The following SLC30A8 variants were observed in gnomAD, a reference collection of about 807,000 sequenced individuals.
The protein encoded by SLC30A8 is solute carrier family 30 member 8.
A neutral mutation model predicts 36.9 loss-of-function variants in SLC30A8; 27 were observed. The observed-to-expected ratio is 0.73, with a 90% CI of 0.54 to 1.01. SLC30A8 has a LOEUF of 1.01. Among genes scored for constraint, SLC30A8 ranks in the 50% least tolerant of loss-of-function variants. The pLI is 0.00. For missense variants in SLC30A8, 439 were observed against 452.0 expected (o/e 0.97, Z 0.26); for synonymous variants, 164 against 172.4 (o/e 0.95, Z 0.38).
intron 1 of SLC30A8, among the ~76,000 whole-genome samples, chr8:117,011,597 C>G (rs1043321047): frequency 6.6e-6 from 1 of 152,156 alleles, no homozygotes; most frequent in Non-Finnish European, 1.5e-5. Context: ...ATTTAGAGTT[C>G]GTGGTGGACC....
intron 2 of SLC30A8, among the ~76,000 whole-genome samples, chr8:117,126,108 T>C (rs1280385714): frequency 2.0e-5 from 3 of 151,946 alleles, no homozygotes; most frequent in East Asian, 3.9e-4. Context: ...TCTTGCCAAC[T>C]CCAAATATTA....
At chr8:117,045,532 G>A (rs1387703719) in intron 2 of SLC30A8, among the ~76,000 whole-genome samples, 1 of 152,160 alleles carries the variant, frequency 6.6e-6, no homozygotes, top group Non-Finnish European at 1.5e-5. Context: ...GGATGTTTTG[G>A]CAGCTTGTGC....
At chr8:116,981,476 A>G (rs575949820) in intron 1 of SLC30A8, among the ~76,000 whole-genome samples, 10 of 152,182 alleles carry the variant, frequency 6.6e-5, no homozygotes, top group Non-Finnish European at 1.5e-4. Flanking sequence ...GGTAAATTGC[A>G]TGTCACAGGA....
At chr8:117,112,888 G>A (rs1412948946) in intron 2 of SLC30A8, among the ~76,000 whole-genome samples, 1 of 152,072 alleles carries the variant, frequency 6.6e-6, no homozygotes, top group African/African-American at 2.4e-5. Context: ...TTCATTGACT[G>A]TTGATTACTT....
At chr8:117,015,085 G>C (rs1009070624) in intron 1 of SLC30A8, among the ~76,000 whole-genome samples, 8 of 151,678 alleles carry the variant, frequency 5.3e-5, no homozygotes, top group African/African-American at 1.7e-4. Context: ...TCTTTTTAGA[G>C]GCTGTTGAAA....
intron 1 of SLC30A8, among the ~76,000 whole-genome samples, chr8:117,025,503 T>C (rs1816845695): frequency 6.6e-6 from 1 of 152,216 alleles, no homozygotes; most frequent in African/African-American, 2.4e-5. Flanking sequence ...AAAATATATT[T>C]TGAGTGAATG....
At chr8:116,958,121 C>G (rs982921641) in intron 1 of SLC30A8, among the ~76,000 whole-genome samples, 1 of 152,198 alleles carries the variant, frequency 6.6e-6, no homozygotes, top group African/African-American at 2.4e-5. Context: ...ACACATTGTG[C>G]TCTCCCAAGC....
chr8:116,998,780 A>G (rs1815905799), intron 1 of SLC30A8, among the ~76,000 whole-genome samples: 1 of 152,230 alleles, frequency 6.6e-6, no homozygotes, highest in African/African-American at 2.4e-5. Context: ...AAGCCAAACC[A>G]TGCCAGGGAA....
intron 2 of SLC30A8, among the ~76,000 whole-genome samples, chr8:117,078,341 A>C (rs959941347): frequency 6.6e-6 from 1 of 152,242 alleles, no homozygotes; most frequent in Admixed American, 6.5e-5. Flanking sequence ...TCTTCCAAGC[A>C]GGCCACATGT....
chr8:116,959,927 C>A (rs1423094225), intron 1 of SLC30A8, among the ~76,000 whole-genome samples: 1 of 152,226 alleles, frequency 6.6e-6, no homozygotes, highest in Admixed American at 6.5e-5. Flanking sequence ...TCTCTTTCCT[C>A]ACCTTTCTGT....
At chr8:117,143,895 A>G (rs1821779714) in intron 1 of SLC30A8, among the ~76,000 whole-genome samples, 1 of 152,118 alleles carries the variant, frequency 6.6e-6, no homozygotes, top group African/African-American at 2.4e-5. Flanking sequence ...GGCATTGCTC[A>G]GGGGCTTTTC....
At chr8:117,075,722 C>T (rs1045303374) in intron 2 of SLC30A8, among the ~76,000 whole-genome samples, 2 of 152,128 alleles carry the variant, frequency 1.3e-5, no homozygotes, top group Non-Finnish European at 2.9e-5. Context: ...CAGCTATGAC[C>T]TTTGTAGAAT....
At chr8:117,112,036 A>T (rs1468287877) in intron 2 of SLC30A8, among the ~76,000 whole-genome samples, 1 of 152,114 alleles carries the variant, frequency 6.6e-6, no homozygotes, top group Non-Finnish European at 1.5e-5. Context: ...CATCTGGGCT[A>T]TGCGTCCCTC....
chr8:116,965,988 A>G (rs368041507), intron 1 of SLC30A8, among the ~76,000 whole-genome samples: 50 of 151,456 alleles, frequency 3.3e-4, no homozygotes, highest in Admixed American at 1.8e-3. Flanking sequence ...GGTTCCAGCA[A>G]TTCTCCTGCC....
intron 1 of SLC30A8, among the ~76,000 whole-genome samples, chr8:117,026,060 A>AG (rs1430718026): frequency 6.6e-6 from 1 of 152,176 alleles, no homozygotes; most frequent in Admixed American, 6.5e-5. Context: ...AGGGAGATGC[A>AG]GGGGGGAGAA....
At chr8:116,963,965 T>C (rs1261364359) in intron 1 of SLC30A8, among the ~76,000 whole-genome samples, 1 of 152,240 alleles carries the variant, frequency 6.6e-6, no homozygotes, top group Non-Finnish European at 1.5e-5. Flanking sequence ...TGAGGATTAA[T>C]AACCTTTGTG....
chr8:117,114,892 C>T (rs1307010035), intron 2 of SLC30A8, among the ~76,000 whole-genome samples: 2 of 151,782 alleles, frequency 1.3e-5, no homozygotes. Flanking sequence ...TTTCTCTCTT[C>T]TGTCCTCTCT....
intron 1 of SLC30A8, among the ~76,000 whole-genome samples, chr8:116,996,754 T>C (rs1815834534): frequency 6.6e-6 from 1 of 152,208 alleles, no homozygotes; most frequent in South Asian, 2.1e-4. Context: ...TACATTTATT[T>C]GGTAGCTATG....
At chr8:116,976,826 T>TCTTTTCTTTTC (rs200479091) in intron 1 of SLC30A8, among the ~76,000 whole-genome samples, 9 of 142,038 alleles carry the variant, frequency 6.3e-5, no homozygotes, top group African/African-American at 2.6e-4. Flanking sequence ...TTCTTTCTTT[T>TCTTTTCTTTTC]TTTTTTTTTT....
Sources: gnomAD v4.1 joint callset for allele counts (sites outside exome capture counted in the v4.1 genomes callset) on GRCh38, gnomAD v4.1.1 for gene constraint, MANE v1.5 for transcripts, NCBI Gene and HGNC (gene_info 2026-07-23, HGNC 2026-07-21) for gene names.